Variants in MYO1D observed in about 807,000 individuals in gnomAD.
The protein encoded by MYO1D is unconventional myosin-Id.
MYO1D carries 83 observed loss-of-function variants against 122.0 expected under a neutral mutation model. The observed-to-expected ratio is 0.68, with a 90% CI of 0.57 to 0.82. MYO1D has a LOEUF of 0.82. Among genes scored for constraint, MYO1D ranks in the 40% least tolerant of loss-of-function variants. MYO1D has a pLI of 0.00. For missense variants in MYO1D, 1,157 were observed against 1,269.5 expected, an observed-to-expected ratio of 0.91 and a Z score of 1.35; for synonymous variants, 464 against 446.9, an observed-to-expected ratio of 1.04 and a Z score of -0.48.
At chr17:32,654,058 C>G (rs1455769923) in intron 18 of MYO1D, 111 bp from the exon 19 acceptor site, 1 of 768,696 alleles carries the variant, frequency 1.3e-6, no homozygotes, top group Non-Finnish European at 2.1e-6. Context: ...CACACATGCA[C>G]TCTTTATCTC....
At chr17:32,724,425 A>G (rs1340513625) in intron 14 of MYO1D, among the ~76,000 whole-genome samples, 2 of 152,242 alleles carry the variant, frequency 1.3e-5, no homozygotes, top group African/African-American at 4.8e-5. Context: ...AGGGTTAACT[A>G]GAATAGGTAA....
At chr17:32,631,678 G>C (rs931640041) in intron 20 of MYO1D, among the ~76,000 whole-genome samples, 1 of 151,920 alleles carries the variant, frequency 6.6e-6, no homozygotes, top group Non-Finnish European at 1.5e-5. Flanking sequence ...TGAACAACTG[G>C]GGAAATTTAA....
rs1172251807 is a variant in MYO1D, at chr17:32,764,898, C to G, written c.1015G>C (p.Gly339Arg). Residue 339 changes from glycine to arginine, a missense_variant, in exon 8 of 22, where the codon GGC (glycine) becomes CGC (arginine). Physicochemically the swap from Gly to Arg is moderately radical, Grantham distance 125. Transcript: ENST00000318217. ...KQHTEQEASY[G>R]RDAFAKAIYE... ...CTCACCTTGGCAAAGGCGTCTCTGCCGTAGCTGGCCTCTTGTTCTGTGTGC... is the reference window on the plus strand; with the variant it reads ...CTCACCTTGGCAAAGGCGTCTCTGCGGTAGCTGGCCTCTTGTTCTGTGTGC... The G allele has an allele frequency of 1.9e-6, 3 of 1,613,992 alleles. No individual in the cohort carries two copies. Among genetic ancestry groups the G allele is most frequent in the Non-Finnish European group, 2.5e-6 (3 of 1,180,020 alleles).
At chr17:32,777,847 T>C (rs1050575017) in intron 3 of MYO1D, among the ~76,000 whole-genome samples, 6 of 152,018 alleles carry the variant, frequency 3.9e-5, no homozygotes, top group Admixed American at 3.9e-4. Context: ...GGCAGGAGAA[T>C]GGCATGAACC....
chr17:32,742,339 C>G (rs1396645649), intron 13 of MYO1D, among the ~76,000 whole-genome samples: 1 of 152,200 alleles, frequency 6.6e-6, no homozygotes, highest in Non-Finnish European at 1.5e-5. Flanking sequence ...GTATTCCATT[C>G]CATGTTACTG....
At chr17:32,594,321 A>G (rs2087469045) in intron 21 of MYO1D, 2 of 385,176 alleles carry the variant, frequency 5.2e-6, no homozygotes, top group Non-Finnish European at 9.3e-6. Context: ...AATTCTGCAC[A>G]CTGAGAGACT....
At chr17:32,670,340 G>C (rs1176861699) in intron 16 of MYO1D, among the ~76,000 whole-genome samples, 1 of 151,918 alleles carries the variant, frequency 6.6e-6, no homozygotes, top group Non-Finnish European at 1.5e-5. Context: ...AGGGGTAAAG[G>C]GTATTACATG....
intron 21 of MYO1D, among the ~76,000 whole-genome samples, chr17:32,588,383 C>CAAATGT (rs1470017758): frequency 1.3e-5 from 2 of 152,206 alleles, no homozygotes; most frequent in African/African-American, 2.4e-5. Flanking sequence ...GAGGGATGTC[C>CAAATGT]TTCTCTGATC....
chr17:32,873,837 A>C (rs558679459), intron 1 of MYO1D, among the ~76,000 whole-genome samples: 3 of 152,324 alleles, frequency 2.0e-5, no homozygotes, highest in African/African-American at 7.2e-5. Flanking sequence ...ACATCTGTAC[A>C]CCCAGGATTT....
intron 1 of MYO1D, among the ~76,000 whole-genome samples, chr17:32,812,881 A>G (rs1467546142): frequency 1.3e-5 from 2 of 152,242 alleles, no homozygotes; most frequent in Admixed American, 6.5e-5. Context: ...TAGAGACTTT[A>G]TATGTATAGG....
intron 21 of MYO1D, among the ~76,000 whole-genome samples, chr17:32,532,014 A>G (rs1022918369): frequency 6.6e-6 from 1 of 152,226 alleles, no homozygotes; most frequent in Non-Finnish European, 1.5e-5. Flanking sequence ...ATGACCAAGT[A>G]GCCAATCTGT....
At chr17:32,612,930 G>A (rs1309523218) in intron 20 of MYO1D, among the ~76,000 whole-genome samples, 1 of 151,550 alleles carries the variant, frequency 6.6e-6, no homozygotes, top group Non-Finnish European at 1.5e-5. Flanking sequence ...CACCACACCC[G>A]GCTAGTTTTT....
At chr17:32,773,785 A>G (rs2090146777) in intron 4 of MYO1D, among the ~76,000 whole-genome samples, 2 of 152,220 alleles carry the variant, frequency 1.3e-5, no homozygotes, top group African/African-American at 4.8e-5. Flanking sequence ...AAATTTCTCC[A>G]TCCTACAAGG....
At chr17:32,522,886 G>A (rs1030498631) in intron 21 of MYO1D, among the ~76,000 whole-genome samples, 3 of 150,968 alleles carry the variant, frequency 2.0e-5, no homozygotes, top group African/African-American at 7.3e-5. Context: ...GTGCGATCTC[G>A]GCTCACTGCA....
chr17:32,563,220 T>TTC (rs1555626155), intron 21 of MYO1D, among the ~76,000 whole-genome samples: 6 of 142,686 alleles, frequency 4.2e-5, no homozygotes, highest in Non-Finnish European at 6.1e-5. Flanking sequence ...TTTTTTTTTT[T>TTC]TTTTTTTGAG....
At chr17:32,599,190 G>C (rs755306622) in intron 21 of MYO1D, among the ~76,000 whole-genome samples, 9 of 152,184 alleles carry the variant, frequency 5.9e-5, no homozygotes, top group Non-Finnish European at 1.2e-4. Flanking sequence ...CTCTGTCACT[G>C]CTTTATCAAC....
chr17:32,514,360 T>C (rs576499664), intron 21 of MYO1D, among the ~76,000 whole-genome samples: 12 of 152,016 alleles, frequency 7.9e-5, no homozygotes, highest in African/African-American at 2.9e-4. Context: ...CCCGAAGTGC[T>C]GGGATTACAG....
intron 11 of MYO1D, among the ~76,000 whole-genome samples, chr17:32,753,789 T>C (rs530302193): frequency 2.0e-5 from 3 of 152,064 alleles, no homozygotes; most frequent in African/African-American, 7.2e-5. Context: ...TCCCAGCTAC[T>C]TGGGAGGCTG....
intron 19 of MYO1D, among the ~76,000 whole-genome samples, chr17:32,642,393 A>G (rs564760842): frequency 7.2e-5 from 11 of 152,352 alleles, no homozygotes; most frequent in Admixed American, 2.6e-4. Flanking sequence ...CTTTTGGCTT[A>G]GGATTGACTT....
Sources: allele counts gnomAD v4.1 joint callset (sites outside exome capture counted in the v4.1 genomes callset), GRCh38; gene constraint gnomAD v4.1.1; transcripts MANE v1.5; gene names NCBI Gene and HGNC (gene_info 2026-07-23, HGNC 2026-07-21).